TNNT3: variants seen among roughly 807,000 people sequenced by gnomAD.
The protein encoded by TNNT3 is troponin T, fast skeletal muscle.
Under a neutral mutation model 54.2 loss-of-function variants are expected in TNNT3, and 36 were observed. That is an observed-to-expected ratio of 0.66 (90% CI 0.51 to 0.88). The LOEUF (loss-of-function observed/expected upper bound fraction) is 0.88, where lower values mean the gene tolerates loss of function less well. Ranked by LOEUF, TNNT3 falls within the 40% of genes least tolerant of loss-of-function variation. The pLI is 0.00. For missense variants in TNNT3, 291 were observed against 331.6 expected, an observed-to-expected ratio of 0.88 and a Z score of 0.95; for synonymous variants, 120 against 109.7, an observed-to-expected ratio of 1.09 and a Z score of -0.59.
chr11:1,919,985 G>C (rs1849727336), intron 1 of TNNT3, among the ~76,000 whole-genome samples: 1 of 152,216 alleles, frequency 6.6e-6, no homozygotes, highest in Non-Finnish European at 1.5e-5. Flanking sequence ...GATGGTCTCA[G>C]CACCGGGAGG....
At position 1,923,932 on chromosome 11, in the gene TNNT3, C is replaced by T. The variant is rs899269850; in HGVS notation, c.49+360C>T. ...AGGCCTCAAAACACCGAGTGCCCTG[C>T]GTGCCCAGTGCTGCTGTCTCTCTGC... On this transcript the variant is annotated intron_variant, in intron 4 of 15. Coordinates refer to ENST00000278317, the MANE Select transcript of TNNT3 (RefSeq NM_006757.4). 4.8e-5 allele frequency among the ~76,000 whole-genome samples: 7 copies of T among 146,648 alleles called. 1 individual carries two copies. Among genetic ancestry groups the T allele is most frequent in the African/African-American group, 1.6e-4 (6 of 36,514 alleles).
At chr11:1,921,213 C>T (rs1322325141) in intron 1 of TNNT3, 1 of 152,212 alleles carries the variant, frequency 6.6e-6, no homozygotes, top group East Asian at 1.9e-4. Flanking sequence ...GCCACTGGCT[C>T]CTTATAAATA....
intron 6 of TNNT3, chr11:1,928,914 A>C: frequency 2.7e-5 from 16 of 587,960 alleles, no homozygotes; most frequent in East Asian, 3.4e-5. Context: ...CTGGGCACCC[A>C]GCCCCTTCCA....
In TNNT3 at chr11:1,936,974, C is replaced by T; in HGVS notation, c.693C>T (p.Leu231=). The change falls in exon 15 of 16, where the codon CTC becomes CTT. Residue 231 remains leucine, a synonymous_variant. Transcript: ENST00000278317. ...LKRQKYDITT[L]RSRIDQAQKH... is the part of the protein sequence containing the mutation. ...CATGTTGTTCACAGATCACCACGCT[C>T]AGGAGCCGCATTGACCAGGCCCAGA... 1 of 1,606,382 alleles carries T rather than the reference C, an allele frequency of 6.2e-7. No individual in the cohort carries two copies. The highest frequency in any genetic ancestry group is 1.3e-5 in the African/African-American group (1 of 74,932).
intron 1 of TNNT3, 200 bp from the exon 2 acceptor site, chr11:1,922,657 G>T: frequency 1.6e-6 from 1 of 622,696 alleles, no homozygotes; most frequent in Non-Finnish European, 2.9e-6. Context: ...GGGGCGCCAA[G>T]AGCTGGGAGG....
At chr11:1,923,861 T>C (rs1252631275) in intron 4 of TNNT3, among the ~76,000 whole-genome samples, 1 of 152,070 alleles carries the variant, frequency 6.6e-6, no homozygotes, top group Non-Finnish European at 1.5e-5. Context: ...TAATCCTTCA[T>C]CCTCCGTGTG....
intron 5 of TNNT3, chr11:1,926,489 C>G (rs748709856): frequency 6.2e-7 from 1 of 1,613,240 alleles, no homozygotes; most frequent in South Asian, 1.1e-5. Context: ...CAGGTACGTG[C>G]ATGACTTCGA....
At chr11:1,937,744 G>A (rs1020704091) in intron 15 of TNNT3, among the ~76,000 whole-genome samples, 3 of 152,212 alleles carry the variant, frequency 2.0e-5, no homozygotes, top group African/African-American at 4.8e-5. Context: ...GGGCTCCTCC[G>A]TGGTGCACGT....
In TNNT3 at chr11:1,934,468, C is replaced by T. The variant is rs200548792; in HGVS notation, c.480+23C>T. The stretch of plus-strand genomic sequence containing the variant: ...AAGGTGTGTGCCGCTGCTGGGAGCA[C>T]GGTGGTAGCCTTCAGTGTGGGCTAC... On this transcript the variant is annotated intron_variant, in intron 12 of 15. Transcript: ENST00000278317. The T allele has an allele frequency of 7.3e-5, 117 of 1,611,632 alleles. No individual in the cohort carries two copies. In the East Asian group the frequency reaches 7.6e-4, roughly 10 times the overall value.
intron 15 of TNNT3, 30 bp downstream of exon 15, chr11:1,937,033 C>A: frequency 6.4e-7 from 1 of 1,573,430 alleles, no homozygotes; most frequent in East Asian, 2.3e-5. Flanking sequence ...TCGCTCCGCA[C>A]TGGGCACAGG....
At chr11:1,930,057 G>A (rs977284089) in intron 8 of TNNT3, among the ~76,000 whole-genome samples, 1 of 152,216 alleles carries the variant, frequency 6.6e-6, no homozygotes, top group Non-Finnish European at 1.5e-5. Flanking sequence ...CGCTCAGAGC[G>A]CAGGGTGGGA....
At chr11:1,928,882 G>A (rs1443003387) in intron 6 of TNNT3, 1 of 608,296 alleles carries the variant, frequency 1.6e-6, no homozygotes. Flanking sequence ...TTCTCCACTA[G>A]GTCTTCCAGG....
intron 15 of TNNT3, among the ~76,000 whole-genome samples, chr11:1,937,325 T>A (rs1855417662): frequency 6.6e-6 from 1 of 152,090 alleles, no homozygotes; most frequent in South Asian, 2.1e-4. Flanking sequence ...TAGAAGGGGC[T>A]ACTCGGGGGG....
At chr11:1,935,089 G>C (rs1564831223) in intron 14 of TNNT3, 170 bp downstream of exon 14, 4 of 708,238 alleles carry the variant, frequency 5.6e-6, no homozygotes, top group Non-Finnish European at 1.0e-5. Context: ...CTGCTTTCCT[G>C]CTGGGGACTG....
rs1020219929 is a variant in TNNT3 at position 1,926,688 on chromosome 11, T to C, written c.68-7T>C. 16 of 1,613,362 alleles carry C rather than the reference T, an allele frequency of 9.9e-6. No homozygotes were observed. In the Admixed American group the frequency reaches 2.0e-4, roughly 20 times the overall value. On this transcript the variant is annotated splice_polypyrimidine_tract_variant and splice_region_variant and intron_variant, in intron 5 of 15. Coordinates refer to ENST00000278317, the MANE Select transcript of TNNT3 (RefSeq NM_006757.4). ...CCCTTTCTGCCACCATGACGCTGCT[T>C]CTGCAGAGGAAGTTCAAGAAGGTAC... is the stretch of plus-strand genomic sequence containing the variant.
chr11:1,938,387 G>C, intron 15 of TNNT3, 51 bp from the exon 16 acceptor site: 1 of 1,600,378 alleles, frequency 6.2e-7, no homozygotes, highest in Non-Finnish European at 8.6e-7. Context: ...GACCAGGAGG[G>C]GCATGGCCAG....
chr11:1,934,434 T>C lies in TNNT3; in HGVS notation c.469T>C (p.Tyr157His), dbSNP rs533308270. 1 of 1,613,590 alleles carries C rather than the reference T, an allele frequency of 6.2e-7. No homozygotes were observed. The highest frequency in any genetic ancestry group is 2.2e-5 in the East Asian group (1 of 44,882). Reference sequence around the variant, plus strand: ...TTCCATGGGAGCCAACTACAGCAGCTACCTGGCCAAGGTGTGTGCCGCTGC... The same window carrying C: ...TTCCATGGGAGCCAACTACAGCAGCCACCTGGCCAAGGTGTGTGCCGCTGC... ...LSSMGANYSS[Y>H]LAKADQKRGK... Residue 157 changes from tyrosine (Y) to histidine (H), a missense_variant, in exon 12 of 16, where the codon TAC becomes CAC. By Grantham distance (83) the Tyr-to-His change is moderately conservative. Coordinates refer to ENST00000278317, the MANE Select transcript of TNNT3 (RefSeq NM_006757.4).
chr11:1,923,647 C>A, intron 4 of TNNT3, 75 bp downstream of exon 4: 2 of 1,090,884 alleles, frequency 1.8e-6, no homozygotes, highest in Non-Finnish European at 2.8e-6. Context: ...GTGGCGCTCA[C>A]AGAACCCCCT....
intron 6 of TNNT3, among the ~76,000 whole-genome samples, chr11:1,927,214 C>T (rs983709724): frequency 5.9e-5 from 9 of 152,304 alleles, no homozygotes; most frequent in South Asian, 2.1e-4. Flanking sequence ...AAGGTGGGGA[C>T]GCTGGGGACC....
Sources: allele counts gnomAD v4.1 joint callset (sites outside exome capture counted in the v4.1 genomes callset), GRCh38; gene constraint gnomAD v4.1.1; transcripts MANE v1.5; gene names NCBI Gene and HGNC (gene_info 2026-07-23, HGNC 2026-07-21).